Variants in GNB1 observed in about 807,000 individuals in gnomAD.
The protein encoded by GNB1 is guanine nucleotide-binding protein G(I)/G(S)/G(T) subunit beta-1.
GNB1 carries 2 observed loss-of-function variants against 42.9 expected under a neutral mutation model. The observed-to-expected ratio is 0.05, with a 90% CI of 0.02 to 0.15. GNB1 has a LOEUF of 0.15. GNB1 is among the 10% of genes least tolerant of loss of function. The pLI, the probability that GNB1 is intolerant of heterozygous loss-of-function variation, is 1.00. For synonymous variants in GNB1, 183 were observed against 174.7 expected (o/e 1.05, Z -0.38); for missense variants, 193 against 462.2 (o/e 0.42, Z 5.34).
Position 1,854,405 on chromosome 1 carries a change from T to A in GNB1, c.-95-15167A>T, listed in dbSNP as rs891407003. 2.0e-5 allele frequency among the ~76,000 whole-genome samples: 3 copies of A among 152,188 alleles called. 1 individual carries two copies. The highest frequency in any genetic ancestry group is 4.1e-4 in the South Asian group (2 of 4,836). On this transcript the variant is annotated intron_variant, in intron 1 of 11. Transcript: ENST00000378609. The stretch of plus-strand genomic sequence containing the variant: ...CTCTGAATGTGAGAGACAAATTAAC[T>A]TTATTGTCTCCATCCTGGAATGTTC...
At chr1:1,797,563 AAGT>A (rs1438732172) in intron 7 of GNB1, among the ~76,000 whole-genome samples, 1 of 151,828 alleles carries the variant, frequency 6.6e-6, no homozygotes, top group Admixed American at 6.6e-5. Flanking sequence ...TCAGCCTCCC[AAGT>A]AGCTGGGACT....
intron 1 of GNB1, among the ~76,000 whole-genome samples, chr1:1,889,318 C>T (rs910083255): frequency 1.3e-5 from 2 of 152,138 alleles, no homozygotes; most frequent in Non-Finnish European, 2.9e-5. Context: ...CTAATGTTAT[C>T]AGATAGATAG....
chr1:1,845,446 G>A lies in GNB1; in HGVS notation c.-95-6208C>T, dbSNP rs181094422. Among the ~76,000 whole-genome samples, 1,271 of 152,146 alleles carry A rather than the reference G, an allele frequency of 8.4e-3. 23 individuals carry two copies. The highest frequency in any genetic ancestry group is 0.029 in the African/African-American group (1,220 of 41,528). Reference sequence around the variant, plus strand: ...AAATTAGCCAGGTGGGATGGCGGGCGCCTGTAGTCCCAGCTACTCAGGAGG... The same window carrying A: ...AAATTAGCCAGGTGGGATGGCGGGCACCTGTAGTCCCAGCTACTCAGGAGG... On this transcript the variant is annotated intron_variant, in intron 1 of 11. Transcript: ENST00000378609.
intron 5 of GNB1, among the ~76,000 whole-genome samples, chr1:1,813,969 C>G (rs1179999794): frequency 6.6e-6 from 1 of 152,200 alleles, no homozygotes; most frequent in Non-Finnish European, 1.5e-5. Flanking sequence ...ACTTTACTAA[C>G]AATTTTGAAA....
At chr1:1,844,255 G>T (rs540943263) in intron 1 of GNB1, among the ~76,000 whole-genome samples, 1 of 151,724 alleles carries the variant, frequency 6.6e-6, no homozygotes, top group Non-Finnish European at 1.5e-5. Context: ...GCCGGGCACG[G>T]TGGCATGCAC....
intron 3 of GNB1, among the ~76,000 whole-genome samples, chr1:1,820,410 C>T (rs1646917055): frequency 7.0e-6 from 1 of 143,190 alleles, no homozygotes; most frequent in Admixed American, 7.0e-5. Flanking sequence ...TATAAATATA[C>T]CAAATTTATA....
chr1:1,871,521 C>T (rs769806002), intron 1 of GNB1, among the ~76,000 whole-genome samples: 2 of 152,114 alleles, frequency 1.3e-5, no homozygotes, highest in Non-Finnish European at 2.9e-5. Context: ...CACATCCCAC[C>T]TCTCCGTGTC....
chr1:1,843,065 C>T (rs774427524), intron 1 of GNB1, among the ~76,000 whole-genome samples: 4 of 152,138 alleles, frequency 2.6e-5, no homozygotes, highest in Non-Finnish European at 5.9e-5. Context: ...CCTGGCATCC[C>T]GAGAGGCAAT....
At chr1:1,837,112 A>C (rs753574453) in intron 2 of GNB1, among the ~76,000 whole-genome samples, 4 of 152,156 alleles carry the variant, frequency 2.6e-5, no homozygotes, top group Non-Finnish European at 5.9e-5. Flanking sequence ...CAGAAGTTTT[A>C]AATTTTGAAC....
At chr1:1,875,440 G>T (rs573306770) in intron 1 of GNB1, among the ~76,000 whole-genome samples, 64 of 152,148 alleles carry the variant, frequency 4.2e-4, no homozygotes, top group Non-Finnish European at 7.2e-4. Flanking sequence ...TGATCCACCC[G>T]CTGTGGCCTC....
chr1:1,844,371 G>A (rs1455767244), intron 1 of GNB1, among the ~76,000 whole-genome samples: 1 of 145,760 alleles, frequency 6.9e-6, no homozygotes, highest in African/African-American at 2.5e-5. Context: ...AGCCTCGATG[G>A]CAGAGTGAGA....
intron 4 of GNB1, 69 bp downstream of exon 4, chr1:1,817,768 C>A (rs993227790): frequency 9.1e-7 from 1 of 1,104,776 alleles, no homozygotes; most frequent in Non-Finnish European, 1.4e-6. Context: ...CCTCCCGAGG[C>A]TCCAGGTGTG....
chr1:1,843,904 A>C (rs1288961569), intron 1 of GNB1, among the ~76,000 whole-genome samples: 1 of 151,858 alleles, frequency 6.6e-6, no homozygotes. Context: ...CTAAAAATAC[A>C]AAAATTACTG....
chr1:1,806,772 A>T (rs909971789), intron 5 of GNB1, among the ~76,000 whole-genome samples: 2 of 152,110 alleles, frequency 1.3e-5, no homozygotes, highest in Non-Finnish European at 2.9e-5. Context: ...TCAGGAGTTC[A>T]AGACCAGCCT....
intron 7 of GNB1, among the ~76,000 whole-genome samples, chr1:1,795,258 C>T (rs1646531169): frequency 6.6e-6 from 1 of 152,172 alleles, no homozygotes; most frequent in African/African-American, 2.4e-5. Context: ...AGCCCTCCTC[C>T]ACTGGCTTCC....
At chr1:1,807,245 G>A (rs939031651) in intron 5 of GNB1, among the ~76,000 whole-genome samples, 1 of 151,862 alleles carries the variant, frequency 6.6e-6, no homozygotes, top group Admixed American at 6.6e-5. Context: ...GTGGATCACA[G>A]GAGTTTGAGA....
At chr1:1,847,942 C>A (rs949479391) in intron 1 of GNB1, among the ~76,000 whole-genome samples, 2 of 152,134 alleles carry the variant, frequency 1.3e-5, no homozygotes, top group Non-Finnish European at 2.9e-5. Context: ...GCCAAAAACA[C>A]GTGGACACTG....
At chr1:1,860,570 G>A (rs1356894614) in intron 1 of GNB1, among the ~76,000 whole-genome samples, 2 of 151,118 alleles carry the variant, frequency 1.3e-5, no homozygotes, top group African/African-American at 4.9e-5. Flanking sequence ...CTTGGAGGCG[G>A]AGCTTGCAGC....
intron 5 of GNB1, among the ~76,000 whole-genome samples, chr1:1,810,472 GC>G (rs1286352548): frequency 1.3e-5 from 2 of 149,880 alleles, no homozygotes; most frequent in Non-Finnish European, 3.0e-5. Context: ...GCAGTTCAAG[GC>G]TTCAGTAAGC....
Sources: gnomAD v4.1 joint callset for allele counts (sites outside exome capture counted in the v4.1 genomes callset) on GRCh38, gnomAD v4.1.1 for gene constraint, MANE v1.5 for transcripts, NCBI Gene and HGNC (gene_info 2026-07-23, HGNC 2026-07-21) for gene names.